SYN3: variants seen among roughly 807,000 people sequenced by gnomAD.
SYN3 encodes synapsin III, also known as synapsin-3.
Under a neutral mutation model 65.8 loss-of-function variants are expected in SYN3, and 35 were observed. The ratio of observed to expected loss-of-function variants is 0.53; its 90% confidence interval spans 0.41 to 0.70. The LOEUF (loss-of-function observed/expected upper bound fraction) is 0.70, where lower values mean the gene tolerates loss of function less well. SYN3 is among the 30% of genes least tolerant of loss of function. SYN3 has a pLI of 0.00. For missense variants in SYN3, 680 were observed against 749.0 expected (o/e 0.91, Z 1.08); for synonymous variants, 270 against 292.9 (o/e 0.92, Z 0.80).
chr22:32,863,380 A>G (rs1459342935), intron 6 of SYN3, among the ~76,000 whole-genome samples: 1 of 152,224 alleles, frequency 6.6e-6, no homozygotes, highest in Non-Finnish European at 1.5e-5. Context: ...TCTTCCTAAG[A>G]ATCCCAACCT....
At chr22:32,805,794 T>C (rs560683766) in intron 6 of SYN3, among the ~76,000 whole-genome samples, 1 of 152,054 alleles carries the variant, frequency 6.6e-6, no homozygotes, top group Non-Finnish European at 1.5e-5. Flanking sequence ...CAACTTTCAT[T>C]GACACATGAC....
intron 4 of SYN3, among the ~76,000 whole-genome samples, chr22:32,871,378 T>C: frequency 6.6e-6 from 1 of 152,198 alleles, no homozygotes; most frequent in East Asian, 1.9e-4. Context: ...TCAGAACCTT[T>C]CTGATTCCTC....
At chr22:32,913,141 C>A (rs1222294303) in intron 4 of SYN3, among the ~76,000 whole-genome samples, 2 of 151,942 alleles carry the variant, frequency 1.3e-5, no homozygotes, top group Admixed American at 1.3e-4. Flanking sequence ...CTGAAAACTG[C>A]TCTAAGATGT....
chr22:32,719,251 G>A (rs925589120), intron 6 of SYN3, among the ~76,000 whole-genome samples: 7 of 152,138 alleles, frequency 4.6e-5, no homozygotes, highest in East Asian at 1.9e-4. Flanking sequence ...CATCTTTTGC[G>A]TCTCAGTTCC....
At chr22:32,789,022 G>A (rs1191656978) in intron 6 of SYN3, among the ~76,000 whole-genome samples, 7 of 152,148 alleles carry the variant, frequency 4.6e-5, no homozygotes, top group East Asian at 1.9e-4. Context: ...GCCAAGGGGC[G>A]GCCAGGGTAG....
chr22:32,830,987 G>A (rs1203144520), intron 6 of SYN3, among the ~76,000 whole-genome samples: 1 of 152,168 alleles, frequency 6.6e-6, no homozygotes, highest in Non-Finnish European at 1.5e-5. Flanking sequence ...ACAGGGGTGG[G>A]GGAAGAGGAG....
At chr22:32,584,304 C>T (rs1394098596) in intron 7 of SYN3, 1 of 152,190 alleles carries the variant, frequency 6.6e-6, no homozygotes, top group Non-Finnish European at 1.5e-5. Flanking sequence ...CTGCTGGGAG[C>T]CTCAAAAATT....
At chr22:32,739,282 CTT>C (rs1264909026) in intron 6 of SYN3, among the ~76,000 whole-genome samples, 1 of 151,934 alleles carries the variant, frequency 6.6e-6, no homozygotes, top group Non-Finnish European at 1.5e-5. Flanking sequence ...CATTCTCTCT[CTT>C]GTCTGCCACC....
intron 1 of SYN3, chr22:33,014,408 T>C (rs1290788111): frequency 3.9e-5 from 6 of 152,210 alleles, no homozygotes; most frequent in Non-Finnish European, 8.8e-5. Context: ...TACCCAGAAG[T>C]GAGCCTGCTG....
intron 6 of SYN3, among the ~76,000 whole-genome samples, chr22:32,841,428 TGCAAGGTCA>T (rs961342493): frequency 3.9e-5 from 6 of 152,260 alleles, no homozygotes; most frequent in African/African-American, 1.4e-4. Flanking sequence ...CAGAGGGAAC[TGCAAGGTCA>T]GAGACCCTGA....
intron 6 of SYN3, among the ~76,000 whole-genome samples, chr22:32,848,435 C>T (rs2048130110): frequency 6.6e-6 from 1 of 152,138 alleles, no homozygotes; most frequent in South Asian, 2.1e-4. Flanking sequence ...TGGTCTGTTA[C>T]CTTATCTAGA....
chr22:32,965,986 G>A (rs557247856), intron 3 of SYN3, among the ~76,000 whole-genome samples: 2 of 152,258 alleles, frequency 1.3e-5, no homozygotes, highest in South Asian at 2.1e-4. Context: ...GGGCCACCGC[G>A]CCCGGCCAGA....
chr22:32,577,088 A>G (rs889132224), intron 7 of SYN3, among the ~76,000 whole-genome samples: 2 of 152,158 alleles, frequency 1.3e-5, no homozygotes, highest in Non-Finnish European at 2.9e-5. Flanking sequence ...TACTCCAGTC[A>G]ATCACATTAG....
At chr22:32,887,304 A>G (rs925510815) in intron 4 of SYN3, among the ~76,000 whole-genome samples, 34 of 152,076 alleles carry the variant, frequency 2.2e-4, no homozygotes, top group African/African-American at 7.7e-4. Flanking sequence ...CTTGAGCCCA[A>G]GAGTTTGAGG....
In SYN3 at chr22:32,512,278, C is replaced by G. The variant is rs5994580; in HGVS notation, c.*1414G>C. Among the ~76,000 whole-genome samples, 22,227 of 152,272 alleles carry G rather than the reference C, an allele frequency of 0.15. 1,972 individuals carry two copies. Among genetic ancestry groups the G allele is most frequent in the Non-Finnish European group, 0.21 (14,369 of 68,006 alleles). Reference sequence around the variant, plus strand: ...CCATTTTTACCTCCCTCTCTCCCTTCCCTGTGGACAGCAAAAGGAAGACAT... The same window carrying G: ...CCATTTTTACCTCCCTCTCTCCCTTGCCTGTGGACAGCAAAAGGAAGACAT... On this transcript the variant is annotated 3_prime_UTR_variant, in exon 14 of 14. Coordinates refer to ENST00000358763, the MANE Select transcript of SYN3 (RefSeq NM_003490.4).
At chr22:32,936,195 C>T (rs144924387) in intron 3 of SYN3, among the ~76,000 whole-genome samples, 1 of 152,332 alleles carries the variant, frequency 6.6e-6, no homozygotes, top group East Asian at 1.9e-4. Flanking sequence ...ATTACATATA[C>T]ACTCCCATCT....
chr22:32,594,150 G>T (rs1396744492), intron 7 of SYN3, among the ~76,000 whole-genome samples: 1 of 151,940 alleles, frequency 6.6e-6, no homozygotes, highest in Non-Finnish European at 1.5e-5. Flanking sequence ...CAAGGGAATT[G>T]GGGGGCAGAC....
chr22:32,573,967 G>A (rs1168720076), intron 7 of SYN3, among the ~76,000 whole-genome samples: 5 of 149,960 alleles, frequency 3.3e-5, no homozygotes, highest in Admixed American at 6.6e-5. Flanking sequence ...TAGTAGAGAC[G>A]GGGTTTCACT....
At chr22:32,753,282 C>T (rs1217082006) in intron 6 of SYN3, among the ~76,000 whole-genome samples, 5 of 152,158 alleles carry the variant, frequency 3.3e-5, no homozygotes, top group African/African-American at 7.2e-5. Flanking sequence ...CAAGTCAGGC[C>T]GGTGGGAGCT....
Sources: allele counts gnomAD v4.1 joint callset (sites outside exome capture counted in the v4.1 genomes callset), GRCh38; gene constraint gnomAD v4.1.1; transcripts MANE v1.5; gene names NCBI Gene and HGNC (gene_info 2026-07-23, HGNC 2026-07-21).